The following UBTD2 variants were observed in gnomAD, a reference collection of about 807,000 sequenced individuals.
UBTD2 encodes the protein ubiquitin domain-containing protein 2.
UBTD2 carries 9 observed loss-of-function variants against 19.8 expected under a neutral mutation model. The ratio of observed to expected loss-of-function variants is 0.46; its 90% CI spans 0.27 to 0.79. UBTD2 has a LOEUF of 0.79. UBTD2 is among the 30% of genes least tolerant of loss of function. UBTD2 has a pLI of 0.14. For synonymous variants in UBTD2, 98 were observed against 103.9 expected (o/e 0.94, Z 0.35); for missense variants, 250 against 300.4 (o/e 0.83, Z 1.24).
chr5:172,253,184 T>C (rs1349357744), intron 1 of UBTD2, among the ~76,000 whole-genome samples: 1 of 152,152 alleles, frequency 6.6e-6, no homozygotes, highest in East Asian at 1.9e-4. Flanking sequence ...TGTGAGCCAC[T>C]GTGCCTGGCC....
At chr5:172,279,370 A>G (rs184589888) in intron 1 of UBTD2, among the ~76,000 whole-genome samples, 3 of 152,368 alleles carry the variant, frequency 2.0e-5, no homozygotes, top group Admixed American at 2.0e-4. Context: ...TAAATACTGG[A>G]TAAATGGTAG....
chr5:172,280,223 A>AAAGT (rs1554130861), intron 1 of UBTD2, among the ~76,000 whole-genome samples: 1 of 151,090 alleles, frequency 6.6e-6, no homozygotes, highest in Non-Finnish European at 1.5e-5. Context: ...TTAAAAAAAA[A>AAAGT]AGGCTGGGCA....
chr5:172,244,183 G>A (rs895269301), intron 1 of UBTD2, among the ~76,000 whole-genome samples: 5 of 152,038 alleles, frequency 3.3e-5, no homozygotes, highest in African/African-American at 1.2e-4. Flanking sequence ...CATCTATGGG[G>A]TAGTGCTTAT....
intron 1 of UBTD2, among the ~76,000 whole-genome samples, chr5:172,280,739 T>C (rs1006307541): frequency 1.3e-5 from 2 of 152,156 alleles, no homozygotes; most frequent in African/African-American, 4.8e-5. Context: ...GCAAGGTATA[T>C]GCCAAAGGAA....
At chr5:172,279,775 G>C (rs1410790913) in intron 1 of UBTD2, among the ~76,000 whole-genome samples, 1 of 152,210 alleles carries the variant, frequency 6.6e-6, no homozygotes, top group Non-Finnish European at 1.5e-5. Context: ...CTAAAGGCTT[G>C]TCTAGAGGTC....
At chr5:172,236,494 T>C (rs1399709511) in intron 1 of UBTD2, among the ~76,000 whole-genome samples, 1 of 152,178 alleles carries the variant, frequency 6.6e-6, no homozygotes, top group Non-Finnish European at 1.5e-5. Context: ...AGCATAATTC[T>C]CTAGAAGATG....
intron 1 of UBTD2, among the ~76,000 whole-genome samples, chr5:172,268,405 C>T (rs988227980): frequency 5.0e-4 from 76 of 152,198 alleles, no homozygotes; most frequent in African/African-American, 1.8e-3. Flanking sequence ...TACCTGATTT[C>T]CAGGGAAAAC....
At chr5:172,255,378 C>A in intron 1 of UBTD2, 1 of 485,012 alleles carries the variant, frequency 2.1e-6, no homozygotes. Context: ...ATGAGTATGA[C>A]ACCGAGACAG....
intron 2 of UBTD2, among the ~76,000 whole-genome samples, chr5:172,227,191 C>T (rs144229695): frequency 6.6e-6 from 1 of 152,130 alleles, no homozygotes; most frequent in East Asian, 1.9e-4. Flanking sequence ...AAAAGGAGGT[C>T]TTTTTCAGAG....
intron 1 of UBTD2, among the ~76,000 whole-genome samples, chr5:172,272,657 G>A (rs1755517459): frequency 6.6e-6 from 1 of 152,182 alleles, no homozygotes; most frequent in African/African-American, 2.4e-5. Context: ...GCAAAATTTT[G>A]TTACTAGTGA....
intron 1 of UBTD2, among the ~76,000 whole-genome samples, chr5:172,244,295 G>GTTTTTTTTTTTT (rs1191361417): frequency 7.9e-6 from 1 of 126,076 alleles, no homozygotes; most frequent in Non-Finnish European, 1.6e-5. Flanking sequence ...TTTCCTCCCA[G>GTTTTTTTTTTTT]TTTTTTTTTT....
intron 1 of UBTD2, among the ~76,000 whole-genome samples, chr5:172,258,122 G>C (rs975441302): frequency 6.6e-6 from 1 of 152,066 alleles, no homozygotes; most frequent in Non-Finnish European, 1.5e-5. Flanking sequence ...TTTCTTCTAG[G>C]GTTTTTCAAG....
intron 1 of UBTD2, among the ~76,000 whole-genome samples, chr5:172,275,860 A>C (rs1755596330): frequency 1.3e-5 from 2 of 152,194 alleles, no homozygotes; most frequent in African/African-American, 4.8e-5. Context: ...AAACCTGCCA[A>C]GCTACCTCAA....
chr5:172,234,491 G>T (rs1361691136), intron 1 of UBTD2, 133 bp from the exon 2 acceptor site: 1 of 761,902 alleles, frequency 1.3e-6, no homozygotes, highest in South Asian at 1.8e-5. Flanking sequence ...GCTAATTTGT[G>T]CATCCTGAAA....
At chr5:172,259,636 G>A (rs1755228118) in intron 1 of UBTD2, among the ~76,000 whole-genome samples, 1 of 151,860 alleles carries the variant, frequency 6.6e-6, no homozygotes, top group African/African-American at 2.4e-5. Flanking sequence ...GGGGTGGGGA[G>A]GAAATTAAAG....
Position 172,262,683 on chromosome 5 carries a change from C to T in UBTD2, c.70+20913G>A, listed in dbSNP as rs555088115. Among the ~76,000 whole-genome samples the T allele has an allele frequency of 2.6e-5, 4 of 151,848 alleles. No individual in the cohort carries two copies. The South Asian group carries it at 8.3e-4, about 32-fold the overall frequency. On this transcript the variant is annotated intron_variant, in intron 1 of 2. Coordinates refer to ENST00000393792, the MANE Select transcript of UBTD2 (RefSeq NM_152277.3). ...AAAAAAAATTAGCCAGGCGTGGTGG[C>T]ACGTGCCTGTAGTCCCAGCTACTTG...
chr5:172,221,961 T>C (rs1771660965), intron 2 of UBTD2, among the ~76,000 whole-genome samples: 1 of 152,152 alleles, frequency 6.6e-6, no homozygotes, highest in African/African-American at 2.4e-5. Flanking sequence ...GCAGGGGGTA[T>C]ATGGGAAATC....
intron 1 of UBTD2, among the ~76,000 whole-genome samples, chr5:172,249,693 A>G (rs1273367144): frequency 1.3e-5 from 2 of 152,134 alleles, no homozygotes; most frequent in Non-Finnish European, 2.9e-5. Context: ...TCAGCAAATT[A>G]TTAATACCAG....
In UBTD2 at chr5:172,283,277, C is replaced by T. The variant is rs754430947; in HGVS notation, c.70+319G>A. 2.0e-5 allele frequency among the ~76,000 whole-genome samples: 3 copies of T among 152,160 alleles called. No individual in the cohort carries two copies. Among genetic ancestry groups the T allele is most frequent in the East Asian group, 1.9e-4 (1 of 5,196 alleles). ...ACCCCGGCGCCGCCATCCTGATCCT[C>T]AATAATTAAACGGCCTGGAGAGGGA... is the stretch of plus-strand genomic sequence containing the variant. On this transcript the variant is annotated intron_variant, in intron 1 of 2. Transcript: ENST00000393792. This position sits in a 1 kb window ranked among gnomAD's most constrained non-coding sequence, Gnocchi z 4.3.
Sources: gnomAD v4.1 joint callset for allele counts (sites outside exome capture counted in the v4.1 genomes callset) on GRCh38, gnomAD v4.1.1 for gene constraint, Gnocchi (gnomAD v3.1) non-coding constraint, MANE v1.5 for transcripts, NCBI Gene and HGNC (gene_info 2026-07-23, HGNC 2026-07-21) for gene names.